The following PKP1 variants were observed in gnomAD, a reference collection of about 807,000 sequenced individuals.
PKP1 encodes the protein plakophilin 1.
A neutral mutation model predicts 76.4 loss-of-function variants in PKP1; 27 were observed. The observed-to-expected ratio is 0.35, with a 90% CI of 0.26 to 0.49. The LOEUF (loss-of-function observed/expected upper bound fraction) is 0.49, where lower values mean the gene tolerates loss of function less well. Ranked by LOEUF, PKP1 falls within the 20% of genes least tolerant of loss-of-function variation. The pLI is 0.99. For synonymous variants in PKP1, 404 were observed against 384.2 expected, an observed-to-expected ratio of 1.05 and a Z score of -0.60; for missense variants, 964 against 955.2, an observed-to-expected ratio of 1.01 and a Z score of -0.12.
Position 201,318,693 on chromosome 1 carries a change from A to G in PKP1, c.1130A>G (p.Asp377Gly). 1 of 1,612,352 alleles carries G rather than the reference A, an allele frequency of 6.2e-7. No individual in the cohort carries two copies. The highest frequency in any genetic ancestry group is 1.1e-5 in the South Asian group (1 of 90,984). The change falls in exon 6 of 14, where the codon GAC becomes GGC. Residue 377 changes from aspartate (D) to glycine (G), a missense_variant. Asp to Gly is a moderately conservative substitution (Grantham distance 94, BLOSUM62 -1). Transcript: ENST00000367324. ...LIADALPVLA[D>G]RVIIPFSGWC... Reference sequence around the variant, plus strand: ...GCCGACGCCCTGCCTGTTCTGGCCGACCGCGTCATCATTCCCTTCTCTGGC... The same window carrying G: ...GCCGACGCCCTGCCTGTTCTGGCCGGCCGCGTCATCATTCCCTTCTCTGGC...
chr1:201,328,463 C>T, intron 12 of PKP1: 2 of 449,576 alleles, frequency 4.4e-6, no homozygotes, highest in South Asian at 4.3e-5. Context: ...TTGATTGTTG[C>T]TCTGTTTAAA....
intron 7 of PKP1, 39 bp downstream of exon 7, chr1:201,320,420 C>A: frequency 2.3e-6 from 3 of 1,310,010 alleles, no homozygotes; most frequent in Non-Finnish European, 2.2e-6. Context: ...CCCCTAGGCC[C>A]AGCCCCCTAC....
At chr1:201,305,286 G>A (rs1396853794) in intron 2 of PKP1, among the ~76,000 whole-genome samples, 3 of 152,212 alleles carry the variant, frequency 2.0e-5, no homozygotes, top group Non-Finnish European at 4.4e-5. Context: ...GGGAGGCTGA[G>A]GCAAGAGGAT....
intron 3 of PKP1, among the ~76,000 whole-genome samples, chr1:201,315,304 A>C (rs934591103): frequency 6.6e-6 from 1 of 152,262 alleles, no homozygotes; most frequent in Non-Finnish European, 1.5e-5. Context: ...CTACTTACCC[A>C]GTGCCAGAGA....
At chr1:201,306,516 A>G (rs1187981870) in intron 2 of PKP1, among the ~76,000 whole-genome samples, 2 of 152,260 alleles carry the variant, frequency 1.3e-5, no homozygotes, top group South Asian at 2.1e-4. Context: ...GATATTTTCT[A>G]CTTAGAAAAG....
intron 1 of PKP1, among the ~76,000 whole-genome samples, chr1:201,285,693 C>G (rs1449942857): frequency 6.6e-6 from 1 of 152,254 alleles, no homozygotes; most frequent in Non-Finnish European, 1.5e-5. Context: ...CCAGAAAACT[C>G]AAACCGGCCC....
Position 201,322,031 on chromosome 1 carries a change from C to T in PKP1, c.1401C>T (p.Ala467=), listed in dbSNP as rs569564663. 82 of 1,614,040 alleles carry T rather than the reference C, an allele frequency of 5.1e-5. No homozygotes were observed. The highest frequency in any genetic ancestry group is 6.7e-5 in the East Asian group (3 of 44,886). The change falls in exon 8 of 14, where the codon GCC becomes GCT. Residue 467 remains alanine, a synonymous_variant. Transcript: ENST00000367324. ...VLHNLSYRLD[A]EVPTRYRQLE... is the part of the protein sequence containing the mutation. ...ACAACCTCTCCTACCGCCTGGACGC[C>T]GAGGTGCCCACCCGCTACCGCCAGC... is the stretch of plus-strand genomic sequence containing the variant.
In PKP1 at chr1:201,332,599, C is replaced by T. The variant is rs950466178; in HGVS notation, c.*2558C>T. On this transcript the variant is annotated 3_prime_UTR_variant, in exon 14 of 14. Transcript: ENST00000367324. The stretch of plus-strand genomic sequence containing the variant: ...CAATTTGGGGCCAAATGAGGAAGGA[C>T]ACAGACTCTGCCCTGGGATCTCCTG... The T allele has an allele frequency of 2.6e-5, 4 of 151,620 alleles. No individual in the cohort carries two copies. The highest frequency in any genetic ancestry group is 9.8e-5 in the African/African-American group (4 of 40,930). 9.4% of individuals were successfully genotyped at this position (151,620 alleles called of 1,614,324 possible). A position where few individuals can be genotyped will look rare whatever the true frequency, so the allele number is the denominator to read the frequency against.
At chr1:201,314,240 T>A (rs860555) in intron 3 of PKP1, among the ~76,000 whole-genome samples, 40 of 152,234 alleles carry the variant, frequency 2.6e-4, no homozygotes, top group African/African-American at 8.9e-4. Flanking sequence ...GGGTAGAGGG[T>A]GCTTGAGCTC....
intron 2 of PKP1, among the ~76,000 whole-genome samples, chr1:201,312,642 C>T (rs913574957): frequency 1.3e-5 from 2 of 152,162 alleles, no homozygotes; most frequent in African/African-American, 4.8e-5. Flanking sequence ...CGAAGTGCCC[C>T]ATCTGGGCAG....
intron 2 of PKP1, among the ~76,000 whole-genome samples, chr1:201,312,352 T>G (rs1296006827): frequency 6.6e-6 from 1 of 152,188 alleles, no homozygotes; most frequent in Non-Finnish European, 1.5e-5. Flanking sequence ...AGGCTGGCTG[T>G]GTGAGAAGCT....
At chr1:201,316,264 G>A (rs907058321) in intron 3 of PKP1, 4 of 398,650 alleles carry the variant, frequency 1.0e-5, no homozygotes, top group African/African-American at 2.0e-5. Context: ...TCAGGGAATA[G>A]GGAGGAGTTT....
intron 2 of PKP1, among the ~76,000 whole-genome samples, chr1:201,309,243 C>A (rs774035730): frequency 6.6e-6 from 1 of 151,740 alleles, no homozygotes; most frequent in East Asian, 1.9e-4. Context: ...TAGAGGGGAG[C>A]TTTCAGTGTG....
intron 1 of PKP1, among the ~76,000 whole-genome samples, chr1:201,284,484 A>G (rs930382837): frequency 2.0e-5 from 3 of 152,180 alleles, no homozygotes; most frequent in Non-Finnish European, 4.4e-5. Context: ...GGAGTCGCTG[A>G]GACAGGAGTG....
chr1:201,324,692 G>T (rs1657055576), intron 10 of PKP1, 111 bp downstream of exon 10: 2 of 1,401,904 alleles, frequency 1.4e-6, no homozygotes, highest in Admixed American at 3.6e-5. Flanking sequence ...AGCATTCCAA[G>T]AAAGGAAGCT....
chr1:201,304,736 A>T (rs1656326780), intron 2 of PKP1, among the ~76,000 whole-genome samples: 1 of 152,204 alleles, frequency 6.6e-6, no homozygotes, highest in Non-Finnish European at 1.5e-5. Flanking sequence ...TTTGCCCTGT[A>T]GGCTTTGTTT....
chr1:201,316,614 A>G lies in PKP1; in HGVS notation c.763A>G (p.Ser255Gly), dbSNP rs746403585. 5 of 1,612,892 alleles carry G rather than the reference A, an allele frequency of 3.1e-6. No individual in the cohort carries two copies. The African/African-American group carries it at 4.0e-5, about 13-fold the overall frequency. ...LTIPKAVQYLSSQDEKYQAIG... is the reference protein window; with the variant it reads ...LTIPKAVQYLGSQDEKYQAIG... ...CATCCCCAAGGCTGTGCAGTACCTG[A>G]GCTCCCAGGATGAGAAGTACCAGGC... is the stretch of plus-strand genomic sequence containing the variant. Residue 255 changes from serine to glycine, a missense_variant, in exon 4 of 14, where the codon AGC becomes GGC. Ser to Gly is a moderately conservative substitution (Grantham distance 56). Coordinates refer to ENST00000367324, the MANE Select transcript of PKP1 (RefSeq NM_001005337.3).
rs1351022421 is a variant in PKP1 at position 201,320,015 on chromosome 1, C to G, written c.1233-252C>G. On this transcript the variant is annotated intron_variant, in intron 6 of 13. Transcript: ENST00000367324. ...CATTTCAGCCTCAGCCAGGGCCAGGCGGAATTGGCTAAATGGTTTCTCTTT... is the reference window on the plus strand; with the variant it reads ...CATTTCAGCCTCAGCCAGGGCCAGGGGGAATTGGCTAAATGGTTTCTCTTT... The G allele has an allele frequency of 5.4e-6, 5 of 920,268 alleles. No individual in the cohort carries two copies. In the Admixed American group the frequency reaches 7.3e-5, roughly 14 times the overall value. 57.0% of individuals were successfully genotyped at this position (920,268 alleles called of 1,614,324 possible). A position where few individuals can be genotyped will look rare whatever the true frequency, so the allele number is the denominator to read the frequency against.
rs140683611 is a variant in PKP1 at position 201,285,220 on chromosome 1, C to CCACACA, written c.202+1356_202+1361dup. On this transcript the variant is annotated intron_variant, in intron 1 of 13. Coordinates refer to ENST00000367324, the MANE Select transcript of PKP1 (RefSeq NM_001005337.3). ...AAAGAAACCGACCCTGGCCCTTCCA[C>CCACACA]CACACACACACACACACACACACAC... Among the ~76,000 whole-genome samples, 320 of 136,818 alleles carry CCACACA rather than the reference C, an allele frequency of 2.3e-3. 3 individuals carry two copies. The highest frequency in any genetic ancestry group is 0.018 in the Middle Eastern group (5 of 274). 89.8% of individuals were successfully genotyped at this position (136,818 alleles called of 152,430 possible).
Sources: gnomAD v4.1 joint callset for allele counts (sites outside exome capture counted in the v4.1 genomes callset) on GRCh38, gnomAD v4.1.1 for gene constraint, MANE v1.5 for transcripts, NCBI Gene and HGNC (gene_info 2026-07-23, HGNC 2026-07-21) for gene names.